Variants in PLEKHM3 observed in about 807,000 individuals in gnomAD.
PLEKHM3 encodes the protein pleckstrin homology domain-containing family M member 3.
Under a neutral mutation model 81.8 loss-of-function variants are expected in PLEKHM3, and 45 were observed. The observed-to-expected ratio is 0.55, with a 90% CI of 0.43 to 0.71. The LOEUF (loss-of-function observed/expected upper bound fraction) is 0.71, where lower values mean the gene tolerates loss of function less well. PLEKHM3 is among the 30% of genes least tolerant of loss of function. The pLI, the probability that PLEKHM3 is intolerant of heterozygous loss-of-function variation, is 0.00. For synonymous variants in PLEKHM3, 352 were observed against 356.4 expected (o/e 0.99, Z 0.14); for missense variants, 788 against 924.3 (o/e 0.85, Z 1.91).
rs371946715 is a variant in PLEKHM3 at position 207,898,154 on chromosome 2, C to T, written c.1950+10360G>A. Among the ~76,000 whole-genome samples, 24 of 152,308 alleles carry T rather than the reference C, an allele frequency of 1.6e-4. 1 individual carries two copies. In the East Asian group the frequency reaches 4.4e-3, roughly 28 times the overall value. ...ATTAGTTTGACGGAACAAAAGCAGG[C>T]ATTCTCTATTATAAAGCAGAGGTCA... is the stretch of plus-strand genomic sequence containing the variant. On this transcript the variant is annotated intron_variant, in intron 6 of 7. Transcript: ENST00000427836.
At chr2:208,013,578 C>T (rs1692775795) in intron 1 of PLEKHM3, among the ~76,000 whole-genome samples, 1 of 151,710 alleles carries the variant, frequency 6.6e-6, no homozygotes, top group South Asian at 2.1e-4. Flanking sequence ...CCTACAATAA[C>T]AGCCTCAAAG....
chr2:207,879,860 AG>A (rs1292223292), intron 6 of PLEKHM3, among the ~76,000 whole-genome samples: 1 of 152,108 alleles, frequency 6.6e-6, no homozygotes, highest in East Asian at 1.9e-4. Context: ...TTGATTATGC[AG>A]GGTAAAAAAA....
chr2:207,948,835 G>A (rs949789865), intron 3 of PLEKHM3, among the ~76,000 whole-genome samples: 20 of 152,228 alleles, frequency 1.3e-4, no homozygotes, highest in Middle Eastern at 3.4e-3. Context: ...GAGCCACCGC[G>A]CCTGGCCAAA....
Position 208,001,263 on chromosome 2 carries a change from C to G in PLEKHM3, c.377G>C (p.Arg126Pro). The G allele has an allele frequency of 6.2e-7, 1 of 1,614,144 alleles. No individual in the cohort carries two copies. The highest frequency in any genetic ancestry group is 2.2e-5 in the East Asian group (1 of 44,876). Residue 126 changes from arginine to proline, a missense_variant, in exon 2 of 8, where the codon CGG becomes CCG. Transcript: ENST00000427836. ...ATTTACAGAACGAGGCCGGTCCCTCCGACGCTGACAGATATTGAAGAAATT... is the reference window on the plus strand; with the variant it reads ...ATTTACAGAACGAGGCCGGTCCCTCGGACGCTGACAGATATTGAAGAAATT... ...TFNFFNICQR[R>P]RDRPRSVNDL...
At chr2:207,974,435 A>G (rs1391414926) in intron 3 of PLEKHM3, among the ~76,000 whole-genome samples, 1 of 152,206 alleles carries the variant, frequency 6.6e-6, no homozygotes, top group Non-Finnish European at 1.5e-5. Flanking sequence ...GAATTAGGCA[A>G]TACCTCTTGT....
chr2:207,828,374 TC>T lies in PLEKHM3; in HGVS notation c.2230del (p.Asp744ThrfsTer4), dbSNP rs2092264877. On this transcript the variant is annotated frameshift_variant, in exon 8 of 8. Transcript: ENST00000427836. LOFTEE classifies it high-confidence loss of function. The stretch of plus-strand genomic sequence containing the variant: ...GGTGCAAGCCTCCTCTAGACTCTCG[TC>T]CATGTTCAGTCTCTGCCAGAAAGAC... ...QKSFWQRLNMDESLEEACTMF... is the reference protein window; with the variant it reads ...QKSFWQRLNMXESLEEACTMF... 5 of 1,614,016 alleles carry T rather than the reference TC, an allele frequency of 3.1e-6. No individual in the cohort carries two copies. The highest frequency in any genetic ancestry group is 4.2e-6 in the Non-Finnish European group (5 of 1,179,992).
chr2:207,886,410 C>T lies in PLEKHM3; in HGVS notation c.1950+22104G>A, dbSNP rs376611316. Among the ~76,000 whole-genome samples, 8 of 152,320 alleles carry T rather than the reference C, an allele frequency of 5.3e-5. No homozygotes were observed. The East Asian group carries it at 1.5e-3, about 29-fold the overall frequency. ...AAGAATCAGGACAGTGTTTTCAACA[C>T]TGTCAAGGTGAAAACACCTTTCCAG... On this transcript the variant is annotated intron_variant, in intron 6 of 7. Transcript: ENST00000427836.
chr2:207,915,210 T>C lies in PLEKHM3; in HGVS notation c.1887-6633A>G, dbSNP rs183764419. On this transcript the variant is annotated intron_variant, in intron 5 of 7. Coordinates refer to ENST00000427836, the MANE Select transcript of PLEKHM3 (RefSeq NM_001080475.3). The stretch of plus-strand genomic sequence containing the variant: ...TTATAGATTGCTCTAATGAGAAAGG[T>C]GAGAAAAGATGAAAATTAAAAAGGA... Among the ~76,000 whole-genome samples, 189 of 152,020 alleles carry C rather than the reference T, an allele frequency of 1.2e-3. 2 individuals are homozygous for C. The highest frequency in any genetic ancestry group is 0.011 in the Admixed American group (165 of 15,254).
intron 5 of PLEKHM3, among the ~76,000 whole-genome samples, chr2:207,924,821 A>G (rs1191780564): frequency 6.6e-6 from 1 of 152,188 alleles, no homozygotes; most frequent in Non-Finnish European, 1.5e-5. Context: ...GCAGAAGGGC[A>G]GCCGAGGTGT....
chr2:207,957,554 T>G (rs1009676252), intron 3 of PLEKHM3, among the ~76,000 whole-genome samples: 7 of 152,070 alleles, frequency 4.6e-5, no homozygotes, highest in African/African-American at 1.4e-4. Flanking sequence ...AAAAATTAGT[T>G]GGGTGTGGTG....
chr2:207,920,768 T>A (rs1264042064), intron 5 of PLEKHM3, among the ~76,000 whole-genome samples: 2 of 152,154 alleles, frequency 1.3e-5, no homozygotes, highest in Non-Finnish European at 2.9e-5. Flanking sequence ...ACCCTATAGT[T>A]AACTTCGTAT....
rs1024936915 is a variant in PLEKHM3 at position 207,826,571 on chromosome 2, G to A, written c.*1748C>T. 1.3e-5 allele frequency: 2 copies of A among 152,206 alleles called. No homozygotes were observed. The highest frequency in any genetic ancestry group is 4.8e-5 in the African/African-American group (2 of 41,440). The allele number at this position is 152,206 out of a possible 1,614,324, so 9.4% of individuals were successfully genotyped here. ...GCTATTAAGGTGAAATGTGTGGCCT[G>A]GGGCCAAAGGAACTGGTGTGGGTTG... is the stretch of plus-strand genomic sequence containing the variant. On this transcript the variant is annotated 3_prime_UTR_variant, in exon 8 of 8. Coordinates refer to ENST00000427836, the MANE Select transcript of PLEKHM3 (RefSeq NM_001080475.3).
At chr2:208,008,458 G>A (rs1212883412) in intron 1 of PLEKHM3, among the ~76,000 whole-genome samples, 1 of 109,400 alleles carries the variant, frequency 9.1e-6, no homozygotes, top group Non-Finnish European at 1.7e-5. Flanking sequence ...TTGTTTAAAT[G>A]TATGCTCCAA....
intron 2 of PLEKHM3, among the ~76,000 whole-genome samples, chr2:207,985,317 T>C (rs775901181): frequency 3.9e-5 from 6 of 151,950 alleles, no homozygotes; most frequent in East Asian, 3.9e-4. Context: ...TCATCCCTTC[T>C]AGTTGAAAAC....
intron 2 of PLEKHM3, among the ~76,000 whole-genome samples, chr2:207,991,093 A>G (rs905193159): frequency 6.6e-6 from 1 of 152,224 alleles, no homozygotes; most frequent in Non-Finnish European, 1.5e-5. Context: ...AAAAGCAGAG[A>G]TTTTCTGTCT....
intron 1 of PLEKHM3, among the ~76,000 whole-genome samples, chr2:208,023,544 G>C (rs1693198786): frequency 6.6e-6 from 1 of 151,894 alleles, no homozygotes; most frequent in African/African-American, 2.4e-5. Context: ...TCCGCCTCCT[G>C]TCAGATCGGC....
chr2:207,821,435 A>T lies in PLEKHM3; in HGVS notation c.*6884T>A, dbSNP rs2092216528. On this transcript the variant is annotated 3_prime_UTR_variant, in exon 8 of 8. Coordinates refer to ENST00000427836, the MANE Select transcript of PLEKHM3 (RefSeq NM_001080475.3). Reference sequence around the variant, plus strand: ...ATTTTATATTATTACAGTTACTGATATTTTTAAAATAATGTAAACAAAAAT... The same window carrying T: ...ATTTTATATTATTACAGTTACTGATTTTTTTAAAATAATGTAAACAAAAAT... 6.6e-6 allele frequency: 1 copy of T among 152,226 alleles called. No individual in the cohort carries two copies. The highest frequency in any genetic ancestry group is 1.5e-5 in the Non-Finnish European group (1 of 68,036). The allele number at this position is 152,226 out of a possible 1,614,324, so 9.4% of individuals were successfully genotyped here.
At chr2:207,894,390 T>C (rs538123614) in intron 6 of PLEKHM3, among the ~76,000 whole-genome samples, 2 of 152,290 alleles carry the variant, frequency 1.3e-5, no homozygotes, top group East Asian at 3.9e-4. Flanking sequence ...CTGACCAATA[T>C]AGTCCCAATA....
intron 6 of PLEKHM3, among the ~76,000 whole-genome samples, chr2:207,872,885 T>C (rs2092542110): frequency 6.6e-6 from 1 of 152,038 alleles, no homozygotes; most frequent in Non-Finnish European, 1.5e-5. Flanking sequence ...GAGAAGTAAC[T>C]TTATTAAAAG....
Sources: gnomAD v4.1 joint callset for allele counts (sites outside exome capture counted in the v4.1 genomes callset) on GRCh38, gnomAD v4.1.1 for gene constraint, MANE v1.5 for transcripts, NCBI Gene and HGNC (gene_info 2026-07-23, HGNC 2026-07-21) for gene names.